The following SAMTOR variants were observed in gnomAD, a reference collection of about 807,000 sequenced individuals.
SAMTOR encodes UPF0532 protein C7orf60.
chr7:112,914,456 A>G, the SAMTOR span, among the ~76,000 whole-genome samples: 1 of 152,006 alleles, frequency 6.6e-6, no homozygotes, highest in Admixed American at 6.5e-5. Context: ...ATCCTTTCTT[A>G]TAATTTTACC....
At chr7:112,931,071 A>C in the SAMTOR span, among the ~76,000 whole-genome samples, 1 of 152,220 alleles carries the variant, frequency 6.6e-6, no homozygotes, top group Non-Finnish European at 1.5e-5. Flanking sequence ...GATTTCTGGC[A>C]GTGGTTCTCA....
the SAMTOR span, among the ~76,000 whole-genome samples, chr7:112,861,140 T>C: frequency 6.6e-6 from 1 of 152,126 alleles, no homozygotes; most frequent in Non-Finnish European, 1.5e-5. Context: ...TATAATAATA[T>C]TTTAAAATAT....
At chr7:112,909,576 A>G in the SAMTOR span, among the ~76,000 whole-genome samples, 1 of 152,176 alleles carries the variant, frequency 6.6e-6, no homozygotes, top group African/African-American at 2.4e-5. Context: ...TTGGTGGGAT[A>G]TGTTCTAAAG....
chr7:112,857,216 C>A, the SAMTOR span, among the ~76,000 whole-genome samples: 1 of 150,240 alleles, frequency 6.7e-6, no homozygotes, highest in Non-Finnish European at 1.5e-5. Context: ...CTCAGCCTCC[C>A]GAGTAGCTGG....
At chr7:112,877,011 T>C in the SAMTOR span, among the ~76,000 whole-genome samples, 3 of 152,322 alleles carry the variant, frequency 2.0e-5, no homozygotes, top group African/African-American at 7.2e-5. Flanking sequence ...TTTTACTCCA[T>C]TTATAACACT....
At chr7:112,892,392 C>T in the SAMTOR span, among the ~76,000 whole-genome samples, 1 of 152,114 alleles carries the variant, frequency 6.6e-6, no homozygotes, top group Non-Finnish European at 1.5e-5. Flanking sequence ...TGAGTCCTTT[C>T]CAGAAGGTTT....
the SAMTOR span, among the ~76,000 whole-genome samples, chr7:112,905,557 TAACA>T: frequency 6.6e-6 from 1 of 152,170 alleles, no homozygotes; most frequent in Admixed American, 6.5e-5. Context: ...AATTAAATTT[TAACA>T]AACAGAATTA....
At chr7:112,923,793 C>G in the SAMTOR span, among the ~76,000 whole-genome samples, 1 of 152,012 alleles carries the variant, frequency 6.6e-6, no homozygotes, top group Non-Finnish European at 1.5e-5. Flanking sequence ...GGAACCAACC[C>G]AAATGTCCAA....
the SAMTOR span, among the ~76,000 whole-genome samples, chr7:112,911,924 A>G: frequency 6.6e-6 from 1 of 151,868 alleles, no homozygotes; most frequent in Non-Finnish European, 1.5e-5. Flanking sequence ...ATTAACTGAC[A>G]TTTGTCTAAA....
the SAMTOR span, among the ~76,000 whole-genome samples, chr7:112,931,881 T>A: frequency 1.3e-5 from 2 of 152,108 alleles, no homozygotes; most frequent in Non-Finnish European, 2.9e-5. Flanking sequence ...GGTTGAAAAA[T>A]TTTTATCTGT....
the SAMTOR span, among the ~76,000 whole-genome samples, chr7:112,929,222 A>G: frequency 6.7e-6 from 1 of 149,410 alleles, no homozygotes; most frequent in African/African-American, 2.5e-5. Flanking sequence ...GATATATAAA[A>G]AAAACCTCAA....
At chr7:112,898,206 G>A in the SAMTOR span, among the ~76,000 whole-genome samples, 1 of 152,144 alleles carries the variant, frequency 6.6e-6, no homozygotes, top group Admixed American at 6.5e-5. Flanking sequence ...GTGGCCCTGG[G>A]CTCCCAATAA....
At chr7:112,921,773 A>G in the SAMTOR span, among the ~76,000 whole-genome samples, 3 of 26 alleles carry the variant, frequency 0.12, 1 homozygote, top group Non-Finnish European at 0.17. Flanking sequence ...CAACCCCATC[A>G]ACAAGGACAT....
chr7:112,827,581 C>T, the SAMTOR span, among the ~76,000 whole-genome samples: 1 of 152,074 alleles, frequency 6.6e-6, no homozygotes, highest in African/African-American at 2.4e-5. Context: ...CGTTCAAGTC[C>T]TTTATATAAA....
At chr7:112,918,766 A>T in the SAMTOR span, among the ~76,000 whole-genome samples, 5 of 152,212 alleles carry the variant, frequency 3.3e-5, no homozygotes, top group Non-Finnish European at 7.3e-5. Flanking sequence ...TACCAAGCAA[A>T]TGGAAAACTA....
the SAMTOR span, among the ~76,000 whole-genome samples, chr7:112,868,093 A>G: frequency 6.6e-6 from 1 of 152,296 alleles, no homozygotes; most frequent in South Asian, 2.1e-4. Context: ...ACCCCTGTCC[A>G]TGGAAAAATT....
chr7:112,905,943 T>C, the SAMTOR span, among the ~76,000 whole-genome samples: 1 of 152,158 alleles, frequency 6.6e-6, no homozygotes, highest in African/African-American at 2.4e-5. Context: ...TGTGTATTTA[T>C]AGATGACATA....
chr7:112,830,275 T>C, the SAMTOR span, among the ~76,000 whole-genome samples: 6 of 152,104 alleles, frequency 3.9e-5, no homozygotes, highest in Admixed American at 6.6e-5. Context: ...TTTCGAATAT[T>C]TTGTTGCTTC....
At chr7:112,904,241 C>T in the SAMTOR span, among the ~76,000 whole-genome samples, 1 of 152,038 alleles carries the variant, frequency 6.6e-6, no homozygotes, top group Admixed American at 6.6e-5. Context: ...AGAATAGCTT[C>T]TTTTTAATTA....
Sources: gnomAD v4.1 joint callset for allele counts (sites outside exome capture counted in the v4.1 genomes callset) on GRCh38, gnomAD v4.1.1 for gene constraint, MANE v1.5 for transcripts, NCBI Gene and HGNC (gene_info 2026-07-23, HGNC 2026-07-21) for gene names.